HYDIN: variants seen among roughly 807,000 people sequenced by gnomAD.
HYDIN encodes axonemal central pair apparatus protein HYDIN.
Under a neutral mutation model 403.9 loss-of-function variants are expected in HYDIN, and 132 were observed. That is an observed-to-expected ratio of 0.33 (90% CI 0.28 to 0.38). The LOEUF is 0.38. Among genes scored for constraint, HYDIN ranks in the 10% least tolerant of loss-of-function variants. The probability of loss-of-function intolerance (pLI) is 1.00; values close to 1 mark genes in which losing one functional copy is unlikely to be tolerated. For synonymous variants in HYDIN, 1,202 were observed against 1,891.7 expected (o/e 0.64, Z 9.46); for missense variants, 2,827 against 5,009.5 (o/e 0.56, Z 13.15).
chr16:70,962,890 C>T (rs1322519024), intron 37 of HYDIN, among the ~76,000 whole-genome samples: 4 of 147,206 alleles, frequency 2.7e-5, no homozygotes, highest in African/African-American at 5.1e-5. Flanking sequence ...GAGAGCAGAG[C>T]GAGTAGACAA....
chr16:71,219,057 A>T (rs2089047628), intron 1 of HYDIN, among the ~76,000 whole-genome samples: 1 of 152,176 alleles, frequency 6.6e-6, no homozygotes, highest in Non-Finnish European at 1.5e-5. Flanking sequence ...CTTAACCTTG[A>T]AATTTATTTT....
intron 84 of HYDIN, among the ~76,000 whole-genome samples, chr16:70,811,749 C>T (rs1774467): frequency 1.2e-3 from 175 of 151,936 alleles, no homozygotes; most frequent in Middle Eastern, 3.4e-3. Flanking sequence ...CTTAGCTACT[C>T]GGGAGGCTGA....
At chr16:70,865,187 T>G (rs1352805660) in intron 67 of HYDIN, 1 of 370,610 alleles carries the variant, frequency 2.7e-6, no homozygotes. Flanking sequence ...TCTCGCTTCT[T>G]CACTTGGCTA....
At chr16:71,011,117 T>C (rs2080067963) in intron 23 of HYDIN, among the ~76,000 whole-genome samples, 1 of 152,290 alleles carries the variant, frequency 6.6e-6, no homozygotes, top group South Asian at 2.1e-4. Context: ...GGAGCCCTTA[T>C]AGGATTCCGG....
intron 10 of HYDIN, among the ~76,000 whole-genome samples, chr16:71,094,197 C>A (rs2083203343): frequency 6.6e-6 from 1 of 151,914 alleles, no homozygotes; most frequent in Non-Finnish European, 1.5e-5. Context: ...AAAAGACATT[C>A]TTTACAATAT....
rs558093626 is a variant in HYDIN at position 71,175,391 on chromosome 16, T to C, written c.516+216A>G. 1.3e-4 allele frequency among the ~76,000 whole-genome samples: 20 copies of C among 151,678 alleles called. No homozygotes were observed. In the East Asian group the frequency reaches 3.9e-3, roughly 29 times the overall value. On this transcript the variant is annotated intron_variant, in intron 5 of 85. Coordinates refer to ENST00000393567, the MANE Select transcript of HYDIN (RefSeq NM_001270974.2). ...ATGACAACAATATCACCACCATCTA[T>C]ACTACCAACACCAACACTACCACCA... is the stretch of plus-strand genomic sequence containing the variant.
intron 7 of HYDIN, among the ~76,000 whole-genome samples, chr16:71,146,158 ATT>A (rs1009720765): frequency 1.2e-4 from 18 of 152,286 alleles, no homozygotes; most frequent in African/African-American, 4.1e-4. Context: ...AAGATAATGT[ATT>A]TACTATTTTT....
chr16:71,195,211 C>A (rs1196804775), intron 1 of HYDIN, among the ~76,000 whole-genome samples: 1 of 150,386 alleles, frequency 6.6e-6, no homozygotes, highest in African/African-American at 2.5e-5. Flanking sequence ...CAGTGCCTGG[C>A]ACGTAATTGT....
chr16:71,087,229 G>A (rs1332249297), intron 12 of HYDIN, among the ~76,000 whole-genome samples: 5 of 152,062 alleles, frequency 3.3e-5, no homozygotes, highest in Non-Finnish European at 5.9e-5. Flanking sequence ...ACTTTGCTAG[G>A]GCTGCCATAA....
At chr16:70,941,454 T>C (rs1297695660) in intron 43 of HYDIN, 182 bp downstream of exon 43, 2 of 412,692 alleles carry the variant, frequency 4.8e-6, no homozygotes, top group Non-Finnish European at 4.3e-6. Context: ...GAAGCAGGAA[T>C]GCACCTGCTG....
intron 37 of HYDIN, among the ~76,000 whole-genome samples, 155 bp from the exon 38 acceptor site, chr16:70,962,293 G>T (rs1363006752): frequency 1.3e-5 from 2 of 151,054 alleles, no homozygotes; most frequent in East Asian, 4.0e-4. Context: ...AAGAACTGCA[G>T]TCAGTTGGCT....
intron 57 of HYDIN, among the ~76,000 whole-genome samples, chr16:70,891,186 T>A (rs12051203): frequency 1.0e-3 from 153 of 152,146 alleles, no homozygotes; most frequent in Middle Eastern, 3.4e-3. Flanking sequence ...AAAAAAAAAT[T>A]TTTTTATTTT....
chr16:71,151,618 A>G (rs1342714992), intron 7 of HYDIN, among the ~76,000 whole-genome samples: 1 of 151,078 alleles, frequency 6.6e-6, no homozygotes, highest in East Asian at 1.9e-4. Flanking sequence ...ATCTTAGCTT[A>G]CTCTTTCCCC....
chr16:71,067,091 C>T (rs2082297152), intron 15 of HYDIN, 199 bp downstream of exon 15: 6 of 604,258 alleles, frequency 9.9e-6, no homozygotes, highest in Non-Finnish European at 1.8e-5. Context: ...AAAACACACA[C>T]ACTTCTTCTT....
At chr16:71,186,394 G>A (rs983236552) in intron 2 of HYDIN, among the ~76,000 whole-genome samples, 2 of 151,862 alleles carry the variant, frequency 1.3e-5, no homozygotes, top group African/African-American at 2.4e-5. Context: ...CTTGCCAATC[G>A]GTAGGTAGTA....
intron 85 of HYDIN, 87 bp from the exon 86 acceptor site, chr16:70,808,149 G>T: frequency 6.9e-7 from 1 of 1,439,452 alleles, no homozygotes; most frequent in Non-Finnish European, 9.4e-7. Context: ...CTCCACTCCT[G>T]GACATCAAGC....
At chr16:71,169,139 A>G (rs2086361245) in intron 5 of HYDIN, among the ~76,000 whole-genome samples, 1 of 152,142 alleles carries the variant, frequency 6.6e-6, no homozygotes, top group Admixed American at 6.6e-5. Context: ...TACAAAGAAA[A>G]TGTAGGCTGG....
chr16:71,110,635 C>T (rs994319594), intron 10 of HYDIN, among the ~76,000 whole-genome samples: 7 of 151,268 alleles, frequency 4.6e-5, no homozygotes, highest in Admixed American at 1.3e-4. Flanking sequence ...ATGGTTTTAT[C>T]GAGGGAAGGT....
intron 72 of HYDIN, among the ~76,000 whole-genome samples, chr16:70,855,657 C>A (rs11075797): frequency 7.1e-6 from 1 of 141,126 alleles, no homozygotes; most frequent in Non-Finnish European, 1.6e-5. Flanking sequence ...ATTCTTGCAT[C>A]GAATTCTTTG....
Sources: allele counts gnomAD v4.1 joint callset (sites outside exome capture counted in the v4.1 genomes callset), GRCh38; gene constraint gnomAD v4.1.1; transcripts MANE v1.5; gene names NCBI Gene and HGNC (gene_info 2026-07-23, HGNC 2026-07-21).